PAWR: variants seen among roughly 807,000 people sequenced by gnomAD.
PAWR encodes pro-apoptotic WT1 regulator, also known as PRKC apoptosis WT1 regulator protein.
In PAWR, 23 loss-of-function variants were observed where a neutral mutation model predicts 32.0. The ratio of observed to expected loss-of-function variants is 0.72; its 90% CI spans 0.52 to 1.02. The LOEUF is 1.02. Ranked by LOEUF, PAWR falls within the 50% of genes least tolerant of loss-of-function variation. PAWR has a pLI of 0.00. For missense variants in PAWR, 457 were observed against 437.7 expected (o/e 1.04, Z -0.39); for synonymous variants, 226 against 187.1 (o/e 1.21, Z -1.70).
rs1873459463 is a variant in PAWR, at chr12:79,588,731, C to T, written c.*3876G>A. 6.6e-6 allele frequency: 1 copy of T among 151,974 alleles called. No individual in the cohort carries two copies. The highest frequency in any genetic ancestry group is 6.6e-5 in the Admixed American group (1 of 15,256). The allele number at this position is 151,974 out of a possible 1,614,324, so 9.4% of individuals were successfully genotyped here. On this transcript the variant is annotated 3_prime_UTR_variant, in exon 7 of 7. Coordinates refer to ENST00000328827, the MANE Select transcript of PAWR (RefSeq NM_002583.4). ...TACAGCTCCCACATACTATATTCCT[C>T]TCACATAGACATAGTTATTTTTAGT...
At chr12:79,633,727 T>A (rs1415298700) in intron 2 of PAWR, among the ~76,000 whole-genome samples, 1 of 152,158 alleles carries the variant, frequency 6.6e-6, no homozygotes, top group African/African-American at 2.4e-5. Flanking sequence ...CTCATTTGCA[T>A]CCTTATTTAA....
intron 2 of PAWR, among the ~76,000 whole-genome samples, chr12:79,674,537 A>G (rs1475170080): frequency 6.6e-6 from 1 of 152,150 alleles, no homozygotes; most frequent in African/African-American, 2.4e-5. Context: ...AATTCAAACA[A>G]AAACAAAAAT....
At chr12:79,676,553 T>C (rs1266428902) in intron 2 of PAWR, among the ~76,000 whole-genome samples, 1 of 147,370 alleles carries the variant, frequency 6.8e-6, no homozygotes, top group African/African-American at 2.4e-5. Flanking sequence ...CTTATCTCTA[T>C]TCTCTCTTTC....
rs189464772 is a variant in PAWR at position 79,617,870 on chromosome 12, T to C, written c.648+3206A>G. 5.9e-5 allele frequency among the ~76,000 whole-genome samples: 9 copies of C among 152,208 alleles called. No homozygotes were observed. In the East Asian group the frequency reaches 1.7e-3, roughly 30 times the overall value. ...CACCAATGAGATCTGGTTAAGAGTA[T>C]GGGACCTGCCCCCGCTCTCTCTCTC... is the stretch of plus-strand genomic sequence containing the variant. On this transcript the variant is annotated intron_variant, in intron 3 of 6. Transcript: ENST00000328827.
chr12:79,620,965 T>C (rs1874975805), intron 3 of PAWR, 111 bp downstream of exon 3: 3 of 763,600 alleles, frequency 3.9e-6, no homozygotes, highest in South Asian at 1.8e-5. Flanking sequence ...AAGGCATAAG[T>C]AGGAGGAAAG....
chr12:79,594,954 T>A (rs1873693856), intron 5 of PAWR, among the ~76,000 whole-genome samples: 1 of 152,142 alleles, frequency 6.6e-6, no homozygotes, highest in Admixed American at 6.5e-5. Flanking sequence ...TGACCTCAAG[T>A]GATCTGCCCG....
chr12:79,669,148 T>C (rs1326385981), intron 2 of PAWR, among the ~76,000 whole-genome samples: 3 of 152,230 alleles, frequency 2.0e-5, no homozygotes, highest in Non-Finnish European at 4.4e-5. Flanking sequence ...TAAAAGTTAC[T>C]GGCATGAGCT....
rs1030802680 is a variant in PAWR, at chr12:79,588,802, T to C, written c.*3805A>G. On this transcript the variant is annotated 3_prime_UTR_variant, in exon 7 of 7. Transcript: ENST00000328827. ...AACATGCTATGAGATTCTAGCTAAG[T>C]AAAATAAAAACAATATGGACTCAGA... 1 of 151,984 alleles carries C rather than the reference T, an allele frequency of 6.6e-6. No homozygotes were observed. The allele number at this position is 151,984 out of a possible 1,614,324, so 9.4% of individuals were successfully genotyped here. A position where few individuals can be genotyped will look rare whatever the true frequency, so the allele number is the denominator to read the frequency against.
chr12:79,608,193 A>G (rs1354885746), intron 4 of PAWR, among the ~76,000 whole-genome samples: 1 of 152,144 alleles, frequency 6.6e-6, no homozygotes, highest in Admixed American at 6.5e-5. Flanking sequence ...TCGGTTTCTT[A>G]TGAAAGAGCT....
At chr12:79,678,946 G>A (rs958499821) in intron 2 of PAWR, among the ~76,000 whole-genome samples, 22 of 150,088 alleles carry the variant, frequency 1.5e-4, no homozygotes, top group Middle Eastern at 3.5e-3. Context: ...CACCCAGGCT[G>A]AAGTGCAGTG....
At chr12:79,622,412 C>G (rs1294089932) in intron 2 of PAWR, among the ~76,000 whole-genome samples, 1 of 152,124 alleles carries the variant, frequency 6.6e-6, no homozygotes, top group East Asian at 1.9e-4. Context: ...CACCCGTTAA[C>G]TCGTCATTTA....
In PAWR at chr12:79,590,241, C is replaced by T. The variant is rs1233356957; in HGVS notation, c.*2366G>A. On this transcript the variant is annotated 3_prime_UTR_variant, in exon 7 of 7. Coordinates refer to ENST00000328827, the MANE Select transcript of PAWR (RefSeq NM_002583.4). ...GGAGACAGAGTTTCGCTCTTCTTGC[C>T]CAGGCTGGAGTACAATGGCGCAATC... 1 of 150,234 alleles carries T rather than the reference C, an allele frequency of 6.7e-6. No individual in the cohort carries two copies. The highest frequency in any genetic ancestry group is 2.5e-5 in the African/African-American group (1 of 40,804). The allele number at this position is 150,234 out of a possible 1,614,324, so 9.3% of individuals were successfully genotyped here. A position where few individuals can be genotyped will look rare whatever the true frequency, so the allele number is the denominator to read the frequency against.
In PAWR at chr12:79,649,870, T is replaced by C. The variant is rs928606796; in HGVS notation, c.517-28663A>G. Among the ~76,000 whole-genome samples the C allele has an allele frequency of 9.2e-5, 14 of 152,282 alleles. 1 individual carries two copies. The highest frequency in any genetic ancestry group is 3.1e-4 in the African/African-American group (13 of 41,558). ...GGACTGGTTTCATGAAAGACAATTT[T>C]TTCACGGACTGGGCTGTAGCAGGGG... is the stretch of plus-strand genomic sequence containing the variant. On this transcript the variant is annotated intron_variant, in intron 2 of 6. Coordinates refer to ENST00000328827, the MANE Select transcript of PAWR (RefSeq NM_002583.4).
Position 79,690,227 on chromosome 12 carries a change from G to A in PAWR, c.18C>T (p.Tyr6=). 6.6e-7 allele frequency: 1 copy of A among 1,517,844 alleles called. No individual in the cohort carries two copies. The allele number at this position is 1,517,844 out of a possible 1,614,324, so 94.0% of individuals were successfully genotyped here. The change falls in exon 2 of 7, where the codon TAC becomes TAT. Residue 6 remains tyrosine (Y), a synonymous_variant. Coordinates refer to ENST00000328827, the MANE Select transcript of PAWR (RefSeq NM_002583.4). MATGG[Y]RTSSGLGGST... ...TGCCGCCGAGGCCGCTGCTGGTCCG[G>A]TAGCCACCGGTCGCCATATTCCCAA...
intron 2 of PAWR, among the ~76,000 whole-genome samples, chr12:79,627,979 T>C (rs1875425320): frequency 6.6e-6 from 1 of 152,102 alleles, no homozygotes; most frequent in South Asian, 2.1e-4. Context: ...TACAGAACTC[T>C]CCACCCCAAA....
chr12:79,657,902 G>A (rs1043060373), intron 2 of PAWR, among the ~76,000 whole-genome samples: 5 of 152,078 alleles, frequency 3.3e-5, no homozygotes, highest in East Asian at 3.8e-4. Flanking sequence ...AAGAATTGGA[G>A]GAGAAATCTG....
intron 2 of PAWR, among the ~76,000 whole-genome samples, chr12:79,664,206 G>A (rs942581291): frequency 6.6e-6 from 1 of 152,002 alleles, no homozygotes; most frequent in African/African-American, 2.4e-5. Context: ...ACCACTTCAA[G>A]GGTTGAGACT....
chr12:79,622,269 T>C (rs1875058204), intron 2 of PAWR, among the ~76,000 whole-genome samples: 1 of 152,144 alleles, frequency 6.6e-6, no homozygotes, highest in Non-Finnish European at 1.5e-5. Flanking sequence ...ATGGAGGACA[T>C]GGAAGAAAGC....
intron 5 of PAWR, among the ~76,000 whole-genome samples, chr12:79,594,806 T>A (rs1438867025): frequency 6.6e-6 from 1 of 152,072 alleles, no homozygotes; most frequent in Non-Finnish European, 1.5e-5. Context: ...AACCTCCACC[T>A]CCTGGGTTCA....
Sources: gnomAD v4.1 joint callset for allele counts (sites outside exome capture counted in the v4.1 genomes callset) on GRCh38, gnomAD v4.1.1 for gene constraint, MANE v1.5 for transcripts, NCBI Gene and HGNC (gene_info 2026-07-23, HGNC 2026-07-21) for gene names.